DPP8: variants seen among roughly 807,000 people sequenced by gnomAD.
The protein encoded by DPP8 is DPP VIII.
DPP8 carries 31 observed loss-of-function variants against 107.5 expected under a neutral mutation model. That is an observed-to-expected ratio of 0.29 (90% CI 0.22 to 0.39). DPP8 has a LOEUF of 0.39. Among genes scored for constraint, DPP8 ranks in the 10% least tolerant of loss-of-function variants. DPP8 has a pLI of 1.00. For synonymous variants in DPP8, 381 were observed against 356.6 expected, an observed-to-expected ratio of 1.07 and a Z score of -0.77; for missense variants, 842 against 1,076.1, an observed-to-expected ratio of 0.78 and a Z score of 3.04.
intron 2 of DPP8, chr15:65,511,977 A>G (rs1389872884): frequency 4.3e-6 from 2 of 462,570 alleles, no homozygotes; most frequent in Non-Finnish European, 8.4e-6. Context: ...GTGGGAACAA[A>G]CTAATGGTTT....
rs1442111509 is a variant in DPP8 at position 65,444,761 on chromosome 15, A to C, written c.*2123T>G. On this transcript the variant is annotated 3_prime_UTR_variant, in exon 20 of 20. Coordinates refer to ENST00000300141, the MANE Select transcript of DPP8 (RefSeq NM_130434.5). Reference sequence around the variant, plus strand: ...TTGTTTCGGTAAAATAAGAGATGCCACTTTGAAGAAACAGCCTTAATGGGT... The same window carrying C: ...TTGTTTCGGTAAAATAAGAGATGCCCCTTTGAAGAAACAGCCTTAATGGGT... The C allele has an allele frequency of 6.6e-6, 1 of 152,230 alleles. No individual in the cohort carries two copies. The highest frequency in any genetic ancestry group is 1.5e-5 in the Non-Finnish European group (1 of 68,048). 9.4% of individuals were successfully genotyped at this position (152,230 alleles called of 1,614,324 possible).
intron 1 of DPP8, among the ~76,000 whole-genome samples, chr15:65,515,429 T>A (rs1247162514): frequency 6.6e-6 from 1 of 152,206 alleles, no homozygotes; most frequent in African/African-American, 2.4e-5. Flanking sequence ...CAAATGTCCA[T>A]CCTGCATTTC....
chr15:65,447,975 G>A lies in DPP8; in HGVS notation c.2527-969C>T, dbSNP rs868784557. The stretch of plus-strand genomic sequence containing the variant: ...TTGAAAGACTGGCATAACACAGTGA[G>A]CCAGTATTTTCCAGAAGGCCAATGC... On this transcript the variant is annotated intron_variant, in intron 19 of 19. Coordinates refer to ENST00000300141, the MANE Select transcript of DPP8 (RefSeq NM_130434.5). Among the ~76,000 whole-genome samples the A allele has an allele frequency of 3.3e-5, 5 of 152,238 alleles. 1 individual carries two copies. The Middle Eastern group carries it at 0.01, about 311-fold the overall frequency.
rs371246881 is a variant in DPP8 at position 65,504,667 on chromosome 15, C to CAAA, written c.372+2573_372+2575dup. Among the ~76,000 whole-genome samples the CAAA allele has an allele frequency of 2.3e-4, 25 of 108,740 alleles. 2 individuals carry two copies. Among genetic ancestry groups the CAAA allele is most frequent in the Non-Finnish European group, 2.4e-4 (14 of 57,260 alleles). The allele number at this position is 108,740 out of a possible 152,430, so 71.3% of individuals were successfully genotyped here. A position where few individuals can be genotyped will look rare whatever the true frequency, so the allele number is the denominator to read the frequency against. Reference sequence around the variant, plus strand: ...CTGGCGACAGAGCAAGATTCCGTCTCAAAAAAAAAAAAAAAAAAACTGTGG... The same window carrying CAAA: ...CTGGCGACAGAGCAAGATTCCGTCTCAAAAAAAAAAAAAAAAAAAAAACTGTGG... On this transcript the variant is annotated intron_variant, in intron 3 of 19. Transcript: ENST00000300141.
rs1173273934 is a variant in DPP8, at chr15:65,443,143, T to A, written c.*3741A>T. 3 of 152,244 alleles carry A rather than the reference T, an allele frequency of 2.0e-5. No homozygotes were observed. Among genetic ancestry groups the A allele is most frequent in the African/African-American group, 4.8e-5 (2 of 41,472 alleles). 9.4% of individuals were successfully genotyped at this position (152,244 alleles called of 1,614,324 possible). On this transcript the variant is annotated 3_prime_UTR_variant, in exon 20 of 20. Coordinates refer to ENST00000300141, the MANE Select transcript of DPP8 (RefSeq NM_130434.5). ...GGAATGGAAAAATTAACCATTTTTA[T>A]GTGGTTACCTTTAAAATGTTTTATA...
intron 5 of DPP8, among the ~76,000 whole-genome samples, chr15:65,490,743 G>A (rs1596036229): frequency 1.3e-5 from 2 of 152,174 alleles, no homozygotes; most frequent in East Asian, 3.9e-4. Flanking sequence ...CATATAATTC[G>A]ACCATTCTTC....
chr15:65,455,179 T>C (rs2064308393), intron 16 of DPP8, among the ~76,000 whole-genome samples: 1 of 152,192 alleles, frequency 6.6e-6, no homozygotes, highest in Admixed American at 6.5e-5. Context: ...GCTGTCCAGG[T>C]TGGAGTGCAG....
intron 3 of DPP8, among the ~76,000 whole-genome samples, chr15:65,504,465 A>G (rs192200680): frequency 1.1e-3 from 166 of 151,722 alleles, no homozygotes; most frequent in African/African-American, 3.8e-3. Context: ...AGGTCAAGAG[A>G]TTGAGACCAT....
intron 17 of DPP8, among the ~76,000 whole-genome samples, chr15:65,452,547 A>G (rs2140343673): frequency 6.6e-6 from 1 of 152,284 alleles, no homozygotes; most frequent in Non-Finnish European, 1.5e-5. Flanking sequence ...TTTATATTTA[A>G]ATACTCTATT....
At chr15:65,475,350 G>A (rs1158378355) in intron 11 of DPP8, 5 of 1,287,032 alleles carry the variant, frequency 3.9e-6, no homozygotes, top group Middle Eastern at 1.8e-4. Context: ...TTTATCTTCT[G>A]AGTGTGGGCT....
intron 2 of DPP8, 161 bp downstream of exon 2, chr15:65,512,134 G>A (rs1367518354): frequency 6.5e-6 from 5 of 764,614 alleles, no homozygotes; most frequent in Admixed American, 2.1e-5. Flanking sequence ...AAGTTAATGC[G>A]ATACAACAAA....
intron 19 of DPP8, among the ~76,000 whole-genome samples, chr15:65,448,743 A>G (rs189762122): frequency 1.2e-4 from 15 of 129,182 alleles, no homozygotes; most frequent in South Asian, 2.4e-4. Context: ...ATATATATCT[A>G]AAATATACAT....
At chr15:65,493,086 T>C (rs1567245110) in intron 5 of DPP8, among the ~76,000 whole-genome samples, 3 of 152,186 alleles carry the variant, frequency 2.0e-5, no homozygotes, top group Non-Finnish European at 2.9e-5. Flanking sequence ...TTTTCTTTCT[T>C]TCTCTCTTTT....
chr15:65,481,576 C>A lies in DPP8; in HGVS notation c.1057G>T (p.Glu353Ter). 6.3e-7 allele frequency: 1 copy of A among 1,588,672 alleles called. No individual in the cohort carries two copies. The highest frequency in any genetic ancestry group is 1.2e-5 in the South Asian group (1 of 86,540). ...VIDKELIQPF[E>*]ILFEGVEYIA... Reference sequence around the variant, plus strand: ...TATTCAACTCCTTCAAATAGAATCTCAAAAGGTTGAATTAGTTCCTTATCT... The same window carrying A: ...TATTCAACTCCTTCAAATAGAATCTAAAAAGGTTGAATTAGTTCCTTATCT... Residue 353 changes from glutamate to a stop codon, truncating the protein, a stop_gained, in exon 9 of 20, where the codon GAG (glutamate) becomes TAG (stop). Coordinates refer to ENST00000300141, the MANE Select transcript of DPP8 (RefSeq NM_130434.5). LOFTEE classifies it high-confidence loss of function.
chr15:65,446,852 G>C lies in DPP8; in HGVS notation c.*32C>G. ...ACCTCCTCATTTGGTTAAATAGCCA[G>C]TGTATACCAGAGAGTTCTACACAGG... is the stretch of plus-strand genomic sequence containing the variant. On this transcript the variant is annotated 3_prime_UTR_variant, in exon 20 of 20. Coordinates refer to ENST00000300141, the MANE Select transcript of DPP8 (RefSeq NM_130434.5). 31 of 1,581,062 alleles carry C rather than the reference G, an allele frequency of 2.0e-5. No homozygotes were observed. The highest frequency in any genetic ancestry group is 2.6e-5 in the Non-Finnish European group (30 of 1,166,124).
rs1362856712 is a variant in DPP8 at position 65,448,904 on chromosome 15, A to G, written c.2527-1898T>C. On this transcript the variant is annotated intron_variant, in intron 19 of 19. Coordinates refer to ENST00000300141, the MANE Select transcript of DPP8 (RefSeq NM_130434.5). The stretch of plus-strand genomic sequence containing the variant: ...TATATATATATATATATATATATAT[A>G]TATATATATATATATATATTTAGCC... Among the ~76,000 whole-genome samples the G allele has an allele frequency of 3.3e-3, 272 of 81,800 alleles. 16 individuals carry two copies. The highest frequency in any genetic ancestry group is 0.026 in the East Asian group (107 of 4,126). 53.7% of individuals were successfully genotyped at this position (81,800 alleles called of 152,430 possible).
At chr15:65,452,897 G>C (rs1032241417) in intron 17 of DPP8, among the ~76,000 whole-genome samples, 1 of 152,012 alleles carries the variant, frequency 6.6e-6, no homozygotes, top group Non-Finnish European at 1.5e-5. Flanking sequence ...GCTTGAACCT[G>C]AGAGGCGGAG....
At chr15:65,458,672 C>G (rs1004742850) in intron 15 of DPP8, 9 of 152,254 alleles carry the variant, frequency 5.9e-5, no homozygotes, top group African/African-American at 1.9e-4. Flanking sequence ...TTCACTCTTT[C>G]CTGACCTACA....
At chr15:65,475,226 C>G in intron 11 of DPP8, 1 of 503,396 alleles carries the variant, frequency 2.0e-6, no homozygotes, top group Middle Eastern at 3.8e-4. Context: ...CTCCCCTAAA[C>G]TCAGTAGTTA....
Sources: gnomAD v4.1 joint callset for allele counts (sites outside exome capture counted in the v4.1 genomes callset) on GRCh38, gnomAD v4.1.1 for gene constraint, MANE v1.5 for transcripts, NCBI Gene and HGNC (gene_info 2026-07-23, HGNC 2026-07-21) for gene names.